RGS6: variants seen among roughly 807,000 people sequenced by gnomAD.
The protein encoded by RGS6 is regulator of G protein signaling 6.
RGS6 carries 30 observed loss-of-function variants against 78.5 expected under a neutral mutation model. That is an observed-to-expected ratio of 0.38 (90% CI 0.29 to 0.52). The LOEUF is 0.52. Ranked by LOEUF, RGS6 falls within the 20% of genes least tolerant of loss-of-function variation. The probability of loss-of-function intolerance (pLI) is 0.85; values close to 1 mark genes in which losing one functional copy is unlikely to be tolerated. For missense variants in RGS6, 495 were observed against 609.7 expected, an observed-to-expected ratio of 0.81 and a Z score of 1.98; for synonymous variants, 206 against 206.0, an observed-to-expected ratio of 1.00 and a Z score of 0.00.
chr14:72,049,940 A>G (rs2093123327), intron 2 of RGS6, among the ~76,000 whole-genome samples: 1 of 152,150 alleles, frequency 6.6e-6, no homozygotes, highest in Non-Finnish European at 1.5e-5. Context: ...AAATATATAC[A>G]TATATATAGC....
At chr14:71,999,648 T>A (rs1259763847) in intron 2 of RGS6, among the ~76,000 whole-genome samples, 1 of 152,186 alleles carries the variant, frequency 6.6e-6, no homozygotes, top group Non-Finnish European at 1.5e-5. Flanking sequence ...CACCGTCCCC[T>A]TGGTGCTATC....
intron 2 of RGS6, among the ~76,000 whole-genome samples, chr14:72,223,194 C>CT (rs2047292240): frequency 6.6e-6 from 1 of 152,166 alleles, no homozygotes; most frequent in African/African-American, 2.4e-5. Context: ...AAAAGAAAAA[C>CT]TTTAAGATAT....
chr14:72,091,805 G>A (rs2095278011), intron 2 of RGS6, among the ~76,000 whole-genome samples: 1 of 152,088 alleles, frequency 6.6e-6, no homozygotes, highest in Admixed American at 6.5e-5. Context: ...ACATTTAACT[G>A]CTCTCCAGCT....
chr14:72,389,212 G>A (rs1480036355), intron 3 of RGS6, among the ~76,000 whole-genome samples: 1 of 152,134 alleles, frequency 6.6e-6, no homozygotes, highest in Admixed American at 6.5e-5. Context: ...GGTGCTAATT[G>A]TCCCTGTCCC....
chr14:72,409,244 TG>T (rs1183470865), intron 3 of RGS6, among the ~76,000 whole-genome samples: 1 of 152,182 alleles, frequency 6.6e-6, no homozygotes, highest in African/African-American at 2.4e-5. Context: ...ATTCATGAAT[TG>T]GGCAGCACCC....
chr14:72,508,992 CAGA>C (rs1159138389), intron 13 of RGS6, among the ~76,000 whole-genome samples: 10 of 152,098 alleles, frequency 6.6e-5, no homozygotes, highest in Non-Finnish European at 1.3e-4. Context: ...CGCCCAACAC[CAGA>C]AGAATTAGAC....
At chr14:72,105,767 T>G (rs921237772) in intron 2 of RGS6, among the ~76,000 whole-genome samples, 1 of 152,232 alleles carries the variant, frequency 6.6e-6, no homozygotes, top group African/African-American at 2.4e-5. Context: ...GTGACCAGAA[T>G]TTATCCTTTC....
intron 14 of RGS6, chr14:72,511,857 C>T (rs1049102169): frequency 6.6e-6 from 1 of 152,214 alleles, no homozygotes; most frequent in Non-Finnish European, 1.5e-5. Flanking sequence ...AGAGCCTTTC[C>T]TTGTGCTGAA....
At chr14:72,554,496 G>A (rs182804366) in intron 17 of RGS6, among the ~76,000 whole-genome samples, 1 of 152,336 alleles carries the variant, frequency 6.6e-6, no homozygotes, top group East Asian at 1.9e-4. Context: ...ACACAGCCAT[G>A]TCCCTGTTTC....
At chr14:72,020,955 G>A (rs558020029) in intron 2 of RGS6, among the ~76,000 whole-genome samples, 1 of 152,248 alleles carries the variant, frequency 6.6e-6, no homozygotes, top group East Asian at 1.9e-4. Context: ...GTCTGATAAG[G>A]GGGTATTTGA....
chr14:71,892,528 C>A, the RGS6 span, among the ~76,000 whole-genome samples: 1 of 152,150 alleles, frequency 6.6e-6, no homozygotes, highest in Non-Finnish European at 1.5e-5. Flanking sequence ...AGTAAGGATG[C>A]AAGAGTTGTT....
In RGS6 at chr14:72,052,663, A is replaced by G. The variant is rs1431665713; in HGVS notation, c.84+87788A>G. 2.0e-5 allele frequency among the ~76,000 whole-genome samples: 3 copies of G among 152,202 alleles called. No homozygotes were observed. In the East Asian group the frequency reaches 5.8e-4, roughly 29 times the overall value. ...GGAATTTTTCTTACTGAATTTTTTA[A>G]TGCCACTATATGGCAGTGATTAAAT... On this transcript the variant is annotated intron_variant, in intron 2 of 17. Coordinates refer to ENST00000553525, the MANE Select transcript of RGS6 (RefSeq NM_001204424.2).
intron 15 of RGS6, among the ~76,000 whole-genome samples, chr14:72,533,911 G>A (rs2097212698): frequency 6.6e-6 from 1 of 152,226 alleles, no homozygotes; most frequent in South Asian, 2.1e-4. Context: ...AAACATTGTT[G>A]AGATGACACA....
chr14:71,904,357 A>G, the RGS6 span, among the ~76,000 whole-genome samples: 1 of 152,092 alleles, frequency 6.6e-6, no homozygotes. Flanking sequence ...GACCCAAGTT[A>G]CTCCAATTAG....
chr14:71,990,013 G>C (rs887062745), intron 2 of RGS6, among the ~76,000 whole-genome samples: 1 of 152,162 alleles, frequency 6.6e-6, no homozygotes. Flanking sequence ...CAGTTCTGCA[G>C]GTGTACAAGA....
intron 2 of RGS6, among the ~76,000 whole-genome samples, chr14:71,979,740 G>A (rs1332590972): frequency 6.6e-6 from 1 of 152,306 alleles, no homozygotes; most frequent in East Asian, 1.9e-4. Flanking sequence ...ATATTCTGTT[G>A]ATTTGGGGTG....
At chr14:72,142,568 C>A (rs2153615004) in intron 2 of RGS6, among the ~76,000 whole-genome samples, 1 of 152,294 alleles carries the variant, frequency 6.6e-6, no homozygotes, top group East Asian at 1.9e-4. Context: ...GGGCAGTGGC[C>A]TTCCAGCTGG....
chr14:72,288,036 T>C (rs1169711320), intron 2 of RGS6, among the ~76,000 whole-genome samples: 1 of 152,202 alleles, frequency 6.6e-6, no homozygotes, highest in East Asian at 1.9e-4. Flanking sequence ...ATCAGGGATA[T>C]TCGCCTATAG....
rs1376484269 is a variant in RGS6, at chr14:71,977,135, T to G, written c.84+12260T>G. On this transcript the variant is annotated intron_variant, in intron 2 of 17. Coordinates refer to ENST00000553525, the MANE Select transcript of RGS6 (RefSeq NM_001204424.2). ...TTTGTTTTTTTCTTGTAAATTTGTT[T>G]GAGTTCATTGTAGATTCTGGATATT... Among the ~76,000 whole-genome samples the G allele has an allele frequency of 4.2e-4, 48 of 113,966 alleles. 3 individuals carry two copies. The highest frequency in any genetic ancestry group is 2.5e-3 in the Admixed American group (28 of 11,246). The allele number at this position is 113,966 out of a possible 152,430, so 74.8% of individuals were successfully genotyped here. A position where few individuals can be genotyped will look rare whatever the true frequency, so the allele number is the denominator to read the frequency against.
Sources: allele counts gnomAD v4.1 joint callset (sites outside exome capture counted in the v4.1 genomes callset), GRCh38; gene constraint gnomAD v4.1.1; transcripts MANE v1.5; gene names NCBI Gene and HGNC (gene_info 2026-07-23, HGNC 2026-07-21).